KIAA1671: variants seen among roughly 807,000 people sequenced by gnomAD.
The protein encoded by KIAA1671 is KIAA1671, also known as uncharacterized protein KIAA1671.
Under a neutral mutation model 131.2 loss-of-function variants are expected in KIAA1671, and 52 were observed. That is an observed-to-expected ratio of 0.40 (90% confidence interval 0.32 to 0.50). The LOEUF (loss-of-function observed/expected upper bound fraction) is 0.50, where lower values mean the gene tolerates loss of function less well. Among genes scored for constraint, KIAA1671 ranks in the 20% least tolerant of loss-of-function variants. The pLI is 0.73. For missense variants in KIAA1671, 2,360 were observed against 2,364.2 expected (o/e 1.00, Z 0.04); for synonymous variants, 1,003 against 961.6 (o/e 1.04, Z -0.80).
chr22:25,163,128 G>A (rs532111153), intron 6 of KIAA1671, among the ~76,000 whole-genome samples: 2 of 152,118 alleles, frequency 1.3e-5, no homozygotes, highest in East Asian at 3.9e-4. Flanking sequence ...AGGAATTCAA[G>A]ACCAGCCTGG....
At chr22:25,062,342 T>G (rs1383967651) in intron 6 of KIAA1671, 1 of 152,336 alleles carries the variant, frequency 6.6e-6, no homozygotes, top group Non-Finnish European at 1.5e-5. Context: ...TCGATTGAAG[T>G]GTACAGCAAT....
chr22:24,966,161 C>G (rs536698717), intron 1 of KIAA1671, among the ~76,000 whole-genome samples: 1 of 152,188 alleles, frequency 6.6e-6, no homozygotes, highest in African/African-American at 2.4e-5. Context: ...TTTTCACAGG[C>G]CCCAGGTCAG....
chr22:25,038,325 C>T (rs1328282198), intron 4 of KIAA1671, among the ~76,000 whole-genome samples: 2 of 152,194 alleles, frequency 1.3e-5, no homozygotes, highest in Non-Finnish European at 2.9e-5. Flanking sequence ...TCTGTGGTAA[C>T]AAATGCCTGT....
intron 6 of KIAA1671, among the ~76,000 whole-genome samples, chr22:25,075,092 T>C (rs1929034147): frequency 6.6e-6 from 1 of 152,214 alleles, no homozygotes; most frequent in Non-Finnish European, 1.5e-5. Flanking sequence ...AAGTTAACAT[T>C]GGTGCATTAC....
intron 1 of KIAA1671, among the ~76,000 whole-genome samples, chr22:25,000,356 G>T (rs1342366196): frequency 1.0e-5 from 1 of 96,258 alleles, no homozygotes; most frequent in East Asian, 3.4e-4. Context: ...ACTACGCCCG[G>T]CTAATTTTTT....
intron 6 of KIAA1671, among the ~76,000 whole-genome samples, chr22:25,094,669 G>A (rs747662380): frequency 7.9e-5 from 12 of 152,144 alleles, no homozygotes; most frequent in African/African-American, 1.2e-4. Flanking sequence ...TCCAGACAGC[G>A]TTGTAAGAAA....
At chr22:25,042,270 T>C (rs1239113142) in intron 5 of KIAA1671, among the ~76,000 whole-genome samples, 1 of 152,212 alleles carries the variant, frequency 6.6e-6, no homozygotes, top group African/African-American at 2.4e-5. Flanking sequence ...ATGATAGATA[T>C]CAATGGTAGC....
intron 6 of KIAA1671, among the ~76,000 whole-genome samples, chr22:25,095,107 C>T (rs1256377408): frequency 1.3e-5 from 2 of 152,258 alleles, no homozygotes; most frequent in Admixed American, 6.5e-5. Context: ...AGGTCCAGGC[C>T]TCATGCAGTC....
intron 6 of KIAA1671, chr22:25,057,229 T>G (rs1039698947): frequency 2.0e-5 from 3 of 152,094 alleles, no homozygotes; most frequent in African/African-American, 7.3e-5. Flanking sequence ...GGAGAAAGGG[T>G]GTCTCTAGTG....
At chr22:24,959,837 C>T (rs1921919780) in intron 1 of KIAA1671, among the ~76,000 whole-genome samples, 1 of 152,062 alleles carries the variant, frequency 6.6e-6, no homozygotes, top group Non-Finnish European at 1.5e-5. Flanking sequence ...GCCATGTCTC[C>T]ATTAAGAATA....
chr22:25,009,282 T>TTA (rs1393722590), intron 1 of KIAA1671, among the ~76,000 whole-genome samples: 3 of 116,420 alleles, frequency 2.6e-5, no homozygotes, highest in East Asian at 3.4e-4. Context: ...TTTTTTTTTT[T>TTA]AAGACAGAGT....
chr22:25,132,230 A>G (rs892297601), intron 6 of KIAA1671, among the ~76,000 whole-genome samples: 2 of 152,178 alleles, frequency 1.3e-5, no homozygotes, highest in African/African-American at 4.8e-5. Context: ...CCAGTTTGCA[A>G]ACTATTGTTA....
At chr22:25,180,507 C>T (rs1209118429) in intron 9 of KIAA1671, among the ~76,000 whole-genome samples, 1 of 151,756 alleles carries the variant, frequency 6.6e-6, no homozygotes, top group East Asian at 1.9e-4. Context: ...CACTGCACTC[C>T]AGCCTAGCAA....
intron 6 of KIAA1671, among the ~76,000 whole-genome samples, chr22:25,150,558 C>T (rs1410431890): frequency 6.6e-6 from 1 of 152,166 alleles, no homozygotes; most frequent in Non-Finnish European, 1.5e-5. Flanking sequence ...ACACCCTTCT[C>T]TAAGGCCTAA....
chr22:25,007,476 C>T (rs1034102033), intron 1 of KIAA1671, among the ~76,000 whole-genome samples: 1 of 149,888 alleles, frequency 6.7e-6, no homozygotes, highest in East Asian at 2.0e-4. Flanking sequence ...CAGAGTGAGA[C>T]TCGGTCTCAA....
chr22:25,015,449 A>G (rs1178662647), intron 1 of KIAA1671, among the ~76,000 whole-genome samples: 1 of 152,152 alleles, frequency 6.6e-6, no homozygotes, highest in African/African-American at 2.4e-5. Context: ...GTCCAAAAAT[A>G]GCATAAATTG....
chr22:24,984,200 GC>G (rs1367628765), intron 1 of KIAA1671, among the ~76,000 whole-genome samples: 2 of 152,168 alleles, frequency 1.3e-5, no homozygotes, highest in African/African-American at 4.8e-5. Flanking sequence ...GAGGGTACAT[GC>G]CTTAAGGGTT....
At chr22:25,075,502 CTT>C (rs376665483) in intron 6 of KIAA1671, among the ~76,000 whole-genome samples, 1 of 147,246 alleles carries the variant, frequency 6.8e-6, no homozygotes, top group African/African-American at 2.5e-5. Context: ...CAGTGCGCAT[CTT>C]TTTTTTTTTG....
chr22:24,965,241 C>T (rs555227189), intron 1 of KIAA1671, among the ~76,000 whole-genome samples: 2 of 151,980 alleles, frequency 1.3e-5, no homozygotes, highest in South Asian at 2.1e-4. Flanking sequence ...GTGGTGAAAC[C>T]CTGTCTCTAC....
Sources: allele counts gnomAD v4.1 joint callset (sites outside exome capture counted in the v4.1 genomes callset), GRCh38; gene constraint gnomAD v4.1.1; transcripts MANE v1.5; gene names NCBI Gene and HGNC (gene_info 2026-07-23, HGNC 2026-07-21).